ROBO2: variants seen among roughly 807,000 people sequenced by gnomAD.
ROBO2 encodes the protein roundabout homolog 2.
ROBO2 carries 53 observed loss-of-function variants against 160.8 expected under a neutral mutation model. That is an observed-to-expected ratio of 0.33 (90% CI 0.26 to 0.41). The LOEUF is 0.41. Ranked by LOEUF, ROBO2 falls within the 10% of genes least tolerant of loss-of-function variation. The probability of loss-of-function intolerance (pLI) is 1.00; values close to 1 mark genes in which losing one functional copy is unlikely to be tolerated. For synonymous variants in ROBO2, 664 were observed against 611.7 expected, an observed-to-expected ratio of 1.09 and a Z score of -1.26; for missense variants, 1,577 against 1,722.4, an observed-to-expected ratio of 0.92 and a Z score of 1.49.
intron 2 of ROBO2, among the ~76,000 whole-genome samples, chr3:76,937,601 A>G (rs1278660073): frequency 6.7e-6 from 1 of 148,416 alleles, no homozygotes; most frequent in Non-Finnish European, 1.5e-5. Context: ...CATCTGCCAA[A>G]GAAAACTATC....
At chr3:76,879,379 C>T (rs983176108) in intron 2 of ROBO2, among the ~76,000 whole-genome samples, 4 of 151,984 alleles carry the variant, frequency 2.6e-5, no homozygotes, top group South Asian at 2.1e-4. Flanking sequence ...AACAAGCTCC[C>T]GGGAGAGGTC....
rs539862843 is a variant in ROBO2 at position 77,605,161 on chromosome 3, C to T, written c.3137-2637C>T. 3.2e-4 allele frequency among the ~76,000 whole-genome samples: 43 copies of T among 135,290 alleles called. 1 individual carries two copies. In the East Asian group the frequency reaches 5.8e-3, roughly 18 times the overall value. The allele number at this position is 135,290 out of a possible 152,430, so 88.8% of individuals were successfully genotyped here. Reference sequence around the variant, plus strand: ...CCTGGGTGACAGACTGAGACCCTGTCTCAAGGAAAAAAAAAAAGTATATAT... The same window carrying T: ...CCTGGGTGACAGACTGAGACCCTGTTTCAAGGAAAAAAAAAAAGTATATAT... On this transcript the variant is annotated intron_variant, in intron 20 of 25. Coordinates refer to ENST00000461745, the Ensembl canonical transcript of ROBO2.
intron 2 of ROBO2, among the ~76,000 whole-genome samples, chr3:76,905,210 A>T (rs2075514035): frequency 6.6e-6 from 1 of 152,130 alleles, no homozygotes; most frequent in Non-Finnish European, 1.5e-5. Flanking sequence ...ACTGAGGAAG[A>T]GTCACAGTTT....
At chr3:76,320,008 T>G (rs991474117) in intron 2 of ROBO2, among the ~76,000 whole-genome samples, 1 of 152,078 alleles carries the variant, frequency 6.6e-6, no homozygotes, top group African/African-American at 2.4e-5. Context: ...CATTTCTTTT[T>G]AGGCAGGATA....
At chr3:76,005,780 G>A (rs1438167681) in intron 2 of ROBO2, among the ~76,000 whole-genome samples, 1 of 151,790 alleles carries the variant, frequency 6.6e-6, no homozygotes, top group Admixed American at 6.6e-5. Context: ...TAGATATAGA[G>A]CTACTAACAG....
At chr3:77,189,045 A>G (rs1317533433) in intron 2 of ROBO2, among the ~76,000 whole-genome samples, 1 of 151,632 alleles carries the variant, frequency 6.6e-6, no homozygotes, top group East Asian at 1.9e-4. Flanking sequence ...TTTCTTATAT[A>G]AAATACGTGT....
intron 2 of ROBO2, among the ~76,000 whole-genome samples, chr3:76,782,890 G>T (rs2062739473): frequency 6.6e-6 from 1 of 150,668 alleles, no homozygotes; most frequent in South Asian, 2.1e-4. Context: ...GATAGTTAAA[G>T]ACTTACTATT....
chr3:76,049,383 GTATA>G lies in ROBO2; in HGVS notation c.109+111799_109+111802del, dbSNP rs1553727226. 3.0e-3 allele frequency among the ~76,000 whole-genome samples: 112 copies of G among 36,810 alleles called. 3 individuals carry two copies. Among genetic ancestry groups the G allele is most frequent in the African/African-American group, 0.012 (102 of 8,866 alleles). The allele number at this position is 36,810 out of a possible 152,430, so 24.1% of individuals were successfully genotyped here. A position where few individuals can be genotyped will look rare whatever the true frequency, so the allele number is the denominator to read the frequency against. ...ATGCCACCACCCCTGGCTAATTTTAGTATATATATATATATATATATTTTTTTTT... is the reference window on the plus strand; with the variant it reads ...ATGCCACCACCCCTGGCTAATTTTAGTATATATATATATATATTTTTTTTT... On this transcript the variant is annotated intron_variant, in intron 2 of 26. Coordinates refer to the ROBO2 transcript ENST00000487694.
chr3:76,965,713 A>T (rs1559774481), intron 2 of ROBO2, among the ~76,000 whole-genome samples: 1 of 149,220 alleles, frequency 6.7e-6, no homozygotes, highest in East Asian at 2.0e-4. Context: ...AGGATTAGAG[A>T]TGTCTGTAAA....
chr3:77,131,859 T>C, intron 2 of ROBO2, among the ~76,000 whole-genome samples: 1 of 152,260 alleles, frequency 6.6e-6, no homozygotes, highest in Non-Finnish European at 1.5e-5. Flanking sequence ...TTTAAAATAA[T>C]TAAATTAATT....
chr3:76,792,730 A>G (rs1244774269), intron 2 of ROBO2, among the ~76,000 whole-genome samples: 1 of 151,794 alleles, frequency 6.6e-6, no homozygotes, highest in Non-Finnish European at 1.5e-5. Context: ...GCAAAAAACA[A>G]CAACAACAAC....
chr3:76,632,635 A>C (rs2090093790), intron 2 of ROBO2, among the ~76,000 whole-genome samples: 1 of 152,242 alleles, frequency 6.6e-6, no homozygotes. Context: ...TATCTTATCA[A>C]TATGCGATCT....
intron 2 of ROBO2, among the ~76,000 whole-genome samples, chr3:76,044,417 A>C (rs955682265): frequency 1.3e-5 from 2 of 152,040 alleles, no homozygotes; most frequent in Non-Finnish European, 2.9e-5. Context: ...AAGTTTTCAG[A>C]TTTATTGGTC....
intron 2 of ROBO2, among the ~76,000 whole-genome samples, chr3:76,109,330 TA>T (rs201389888): frequency 6.6e-6 from 1 of 152,028 alleles, no homozygotes; most frequent in Admixed American, 6.6e-5. Context: ...TAATACCTTT[TA>T]AAAAAACTAA....
At chr3:76,501,537 G>T (rs2080461537) in intron 2 of ROBO2, among the ~76,000 whole-genome samples, 3 of 152,156 alleles carry the variant, frequency 2.0e-5, no homozygotes, top group African/African-American at 4.8e-5. Context: ...CAGGTATGTG[G>T]AGTAGTAGCA....
intron 2 of ROBO2, among the ~76,000 whole-genome samples, chr3:77,165,958 T>A (rs1297730937): frequency 1.3e-5 from 2 of 152,234 alleles, no homozygotes; most frequent in Admixed American, 1.3e-4. Context: ...TTTGTTACTA[T>A]TTTGCTGAAG....
intron 2 of ROBO2, among the ~76,000 whole-genome samples, chr3:76,613,978 G>A (rs984654082): frequency 6.6e-6 from 1 of 151,724 alleles, no homozygotes; most frequent in East Asian, 1.9e-4. Context: ...ATGCATGCAT[G>A]CAATGACTAA....
chr3:77,403,527 T>G (rs937517111), intron 2 of ROBO2, among the ~76,000 whole-genome samples: 9 of 151,786 alleles, frequency 5.9e-5, no homozygotes, highest in African/African-American at 2.2e-4. Context: ...CATGCTGCCA[T>G]GAATGACAGG....
rs371137667 is a variant in ROBO2, at chr3:76,725,047, G to T, written c.110-372967G>T. Reference sequence around the variant, plus strand: ...AACATATCCCTGCTGACAACTTGATGTCAGCTCAGTAATACTGATTTCAGA... The same window carrying T: ...AACATATCCCTGCTGACAACTTGATTTCAGCTCAGTAATACTGATTTCAGA... On this transcript the variant is annotated intron_variant, in intron 2 of 26. Transcript: ENST00000487694. 5.9e-5 allele frequency among the ~76,000 whole-genome samples: 9 copies of T among 152,220 alleles called. No individual in the cohort carries two copies. The East Asian group carries it at 1.7e-3, about 30-fold the overall frequency.
Sources: gnomAD v4.1 joint callset for allele counts (sites outside exome capture counted in the v4.1 genomes callset) on GRCh38, gnomAD v4.1.1 for gene constraint, MANE v1.5 for transcripts, NCBI Gene and HGNC (gene_info 2026-07-23, HGNC 2026-07-21) for gene names.